Variants in PDE4DIP observed in about 807,000 individuals in gnomAD.
PDE4DIP encodes phosphodiesterase 4D interacting protein, also known as myomegalin.
PDE4DIP carries 59 observed loss-of-function variants against 221.4 expected under a neutral mutation model. The ratio of observed to expected loss-of-function variants is 0.27; its 90% confidence interval spans 0.22 to 0.33. The LOEUF (loss-of-function observed/expected upper bound fraction) is 0.33, where lower values mean the gene tolerates loss of function less well. Among genes scored for constraint, PDE4DIP ranks in the 10% least tolerant of loss-of-function variants. The pLI is 1.00. For synonymous variants in PDE4DIP, 404 were observed against 815.9 expected (o/e 0.50, Z 8.60); for missense variants, 1,036 against 2,154.2 (o/e 0.48, Z 10.28).
At chr1:148,934,178 G>A (rs1553473098) in intron 4 of PDE4DIP, among the ~76,000 whole-genome samples, 1 of 151,402 alleles carries the variant, frequency 6.6e-6, no homozygotes, top group Non-Finnish European at 1.5e-5. Flanking sequence ...TTCTTTGAAG[G>A]CTTTGTGATA....
chr1:149,032,872 A>G (rs1055496), exon 44 of PDE4DIP: 2,237 of 207,864 alleles, frequency 0.011, 43 homozygotes, highest in African/African-American at 0.036. Context: ...GTGTATAAAT[A>G]TATGATATAG....
intron 1 of PDE4DIP, among the ~76,000 whole-genome samples, chr1:148,923,780 A>T (rs6695934): frequency 6.9e-6 from 1 of 144,010 alleles, no homozygotes; most frequent in Non-Finnish European, 1.5e-5. Flanking sequence ...AGCTGCGGTT[A>T]TTTGTATCAG....
At chr1:148,934,760 C>T (rs587673008) in intron 4 of PDE4DIP, among the ~76,000 whole-genome samples, 3 of 151,788 alleles carry the variant, frequency 2.0e-5, no homozygotes, top group East Asian at 2.0e-4. Context: ...TGCACCACCA[C>T]GCCCAGCTAA....
chr1:148,961,549 C>T (rs587694937), intron 6 of PDE4DIP, among the ~76,000 whole-genome samples: 43 of 152,324 alleles, frequency 2.8e-4, no homozygotes, highest in African/African-American at 9.6e-4. Context: ...TTAGAAACCA[C>T]TTGCCTACTT....
chr1:148,987,008 A>T (rs2062025315), intron 21 of PDE4DIP, among the ~76,000 whole-genome samples: 1 of 152,156 alleles, frequency 6.6e-6, no homozygotes, highest in African/African-American at 2.4e-5. Flanking sequence ...TGTATTGAAT[A>T]ATTACCCTTT....
chr1:148,971,499 A>T (rs1553527413), intron 14 of PDE4DIP, among the ~76,000 whole-genome samples: 1 of 152,156 alleles, frequency 6.6e-6, no homozygotes. Flanking sequence ...CAAGGTGTAC[A>T]GCATGATGTG....
chr1:148,933,079 A>G (rs1393412250), intron 4 of PDE4DIP, among the ~76,000 whole-genome samples: 18 of 152,194 alleles, frequency 1.2e-4, no homozygotes, highest in Non-Finnish European at 2.2e-4. Flanking sequence ...CGTTGTTTAT[A>G]AGCCTCCCAG....
chr1:148,821,011 C>T (rs1186759674), intron 1 of PDE4DIP, among the ~76,000 whole-genome samples: 1 of 150,226 alleles, frequency 6.7e-6, no homozygotes, highest in African/African-American at 2.5e-5. Flanking sequence ...AATACCTCGC[C>T]CGGCTAATTT....
intron 6 of PDE4DIP, 139 bp from the exon 10 acceptor site, chr1:148,961,698 G>A: frequency 1.8e-6 from 1 of 556,104 alleles, no homozygotes; most frequent in Non-Finnish European, 3.2e-6. Context: ...CCACTTTAAT[G>A]GTTACTCTAT....
At chr1:148,934,217 T>TTATATATATATA (rs1176041966) in intron 4 of PDE4DIP, among the ~76,000 whole-genome samples, 42 of 148,138 alleles carry the variant, frequency 2.8e-4, no homozygotes, top group South Asian at 4.4e-4. Context: ...ATTGTTTCTT[T>TTATATATATATA]TATATATATA....
chr1:149,028,618 C>A (rs782432315), exon 41 of PDE4DIP: 49 of 1,607,518 alleles, frequency 3.0e-5, no homozygotes, highest in Non-Finnish European at 4.0e-5. Flanking sequence ...CTGCACCATG[C>A]CCTAGAGGAG....
chr1:149,004,162 C>T (rs2066407531), intron 26 of PDE4DIP, among the ~76,000 whole-genome samples: 1 of 151,440 alleles, frequency 6.6e-6, no homozygotes, highest in South Asian at 2.1e-4. Flanking sequence ...ATCCTGGGGC[C>T]AGACTGGTTG....
chr1:148,838,766 T>C (rs1213519961), intron 1 of PDE4DIP, among the ~76,000 whole-genome samples: 3 of 86,530 alleles, frequency 3.5e-5, no homozygotes, highest in Non-Finnish European at 5.3e-5. Flanking sequence ...CTCCCATTCA[T>C]TGGGCACCTT....
At chr1:148,996,007 A>G (rs2064142605) in intron 22 of PDE4DIP, among the ~76,000 whole-genome samples, 3 of 151,986 alleles carry the variant, frequency 2.0e-5, no homozygotes, top group Middle Eastern at 3.4e-3. Context: ...CTGGGGAAAA[A>G]TGAGATCCCT....
intron 1 of PDE4DIP, among the ~76,000 whole-genome samples, chr1:148,838,992 C>T (rs1663872): frequency 8.9e-5 from 1 of 11,260 alleles, no homozygotes; most frequent in Non-Finnish European, 2.5e-4. Context: ...TTTCAGTTTT[C>T]GTTATAGTGA....
chr1:148,976,027 A>C (rs2060108827), intron 17 of PDE4DIP, among the ~76,000 whole-genome samples: 1 of 151,334 alleles, frequency 6.6e-6, no homozygotes, highest in Non-Finnish European at 1.5e-5. Flanking sequence ...CAGTTTTAAA[A>C]ATCCCCTAGT....
chr1:148,884,945 T>C (rs1479471815), upstream of PDE4DIP, among the ~76,000 whole-genome samples: 2 of 148,530 alleles, frequency 1.3e-5, no homozygotes, highest in African/African-American at 4.9e-5. Flanking sequence ...TCCTAAAACA[T>C]CTACATAATC....
intron 31 of PDE4DIP, 77 bp downstream of exon 34, chr1:149,010,672 G>C: frequency 6.9e-7 from 1 of 1,446,754 alleles, no homozygotes; most frequent in Non-Finnish European, 9.6e-7. Context: ...CAACGACAGA[G>C]GTTTGGACTG....
rs526448 is a variant in PDE4DIP, at chr1:148,930,107, A to C, written c.218+834A>C. The C allele has an allele frequency of 1.2e-4, 18 of 150,642 alleles. 1 individual carries two copies. The highest frequency in any genetic ancestry group is 4.4e-4 in the African/African-American group (18 of 40,972). 9.3% of individuals were successfully genotyped at this position (150,642 alleles called of 1,614,324 possible). Reference sequence around the variant, plus strand: ...TTATATTGCTAAAATGGTTACTTTTATAATTTACAGTTTTTTAAAAGCTTA... The same window carrying C: ...TTATATTGCTAAAATGGTTACTTTTCTAATTTACAGTTTTTTAAAAGCTTA... On this transcript the variant is annotated intron_variant, in intron 2 of 43. Transcript: ENST00000369354.
Sources: gnomAD v4.1 joint callset for allele counts (sites outside exome capture counted in the v4.1 genomes callset) on GRCh38, gnomAD v4.1.1 for gene constraint, MANE v1.5 for transcripts, NCBI Gene and HGNC (gene_info 2026-07-23, HGNC 2026-07-21) for gene names.